MGLL: variants seen among roughly 807,000 people sequenced by gnomAD.
MGLL encodes monoglyceride lipase.
MGLL carries 7 observed loss-of-function variants against 29.1 expected under a neutral mutation model. The observed-to-expected ratio is 0.24, with a 90% CI of 0.14 to 0.45. The LOEUF is 0.45. MGLL is among the 20% of genes least tolerant of loss of function. MGLL has a pLI of 0.99. For synonymous variants in MGLL, 148 were observed against 168.3 expected (o/e 0.88, Z 0.93); for missense variants, 356 against 413.6 (o/e 0.86, Z 1.21).
chr3:127,748,356 C>T (rs1181433007), intron 3 of MGLL, among the ~76,000 whole-genome samples: 1 of 147,002 alleles, frequency 6.8e-6, no homozygotes, highest in Non-Finnish European at 1.5e-5. Flanking sequence ...GAGAGAGAGA[C>T]CACACAACAG....
intron 3 of MGLL, among the ~76,000 whole-genome samples, chr3:127,756,732 C>A (rs1243460852): frequency 1.3e-5 from 2 of 152,210 alleles, no homozygotes; most frequent in African/African-American, 4.8e-5. Context: ...GTGTAATTGA[C>A]TGTTACAACT....
intron 6 of MGLL, among the ~76,000 whole-genome samples, chr3:127,697,459 C>T (rs1249525831): frequency 6.6e-6 from 1 of 152,182 alleles, no homozygotes; most frequent in Non-Finnish European, 1.5e-5. Context: ...ATTCTCTCCA[C>T]TACACAGAGG....
chr3:127,754,954 G>A (rs1458487809), intron 3 of MGLL, among the ~76,000 whole-genome samples: 6 of 152,156 alleles, frequency 3.9e-5, no homozygotes, highest in African/African-American at 1.2e-4. Context: ...TTCACCTAGC[G>A]CCCCAGAGAA....
chr3:127,803,908 G>A (rs1158894943), intron 2 of MGLL, among the ~76,000 whole-genome samples: 1 of 152,174 alleles, frequency 6.6e-6, no homozygotes, highest in East Asian at 1.9e-4. Flanking sequence ...CTTTCAGGAC[G>A]GGGTGGCTCA....
chr3:127,785,211 T>G (rs371416232), intron 2 of MGLL, among the ~76,000 whole-genome samples: 2 of 152,130 alleles, frequency 1.3e-5, no homozygotes, highest in African/African-American at 4.8e-5. Context: ...CCCACACACC[T>G]GCTGCAGGTG....
At chr3:127,703,450 G>A (rs1447629911) in intron 6 of MGLL, among the ~76,000 whole-genome samples, 1 of 152,222 alleles carries the variant, frequency 6.6e-6, no homozygotes, top group Non-Finnish European at 1.5e-5. Context: ...GACAACAAGG[G>A]GGAATGACTG....
chr3:127,713,268 C>A (rs2075753516), intron 5 of MGLL: 1 of 152,280 alleles, frequency 6.6e-6, no homozygotes, highest in African/African-American at 2.4e-5. Context: ...GAAGTGGAGC[C>A]CTGGCATCAG....
At chr3:127,792,403 G>C (rs1318761383) in intron 2 of MGLL, among the ~76,000 whole-genome samples, 2 of 152,098 alleles carry the variant, frequency 1.3e-5, no homozygotes, top group Non-Finnish European at 2.9e-5. Flanking sequence ...TGGAAAACAG[G>C]AATAATAATC....
intron 5 of MGLL, among the ~76,000 whole-genome samples, chr3:127,719,687 C>G (rs113411889): frequency 6.6e-6 from 1 of 152,194 alleles, no homozygotes. Context: ...TCCCCCCAAT[C>G]GCACGTTTCA....
intron 3 of MGLL, among the ~76,000 whole-genome samples, chr3:127,757,520 T>C (rs2076685298): frequency 6.6e-6 from 1 of 152,104 alleles, no homozygotes; most frequent in Admixed American, 6.5e-5. Flanking sequence ...TTCAAGAAAT[T>C]GATGACTTAG....
At chr3:127,717,821 C>T (rs939977084) in intron 5 of MGLL, among the ~76,000 whole-genome samples, 1 of 152,156 alleles carries the variant, frequency 6.6e-6, no homozygotes, top group Admixed American at 6.5e-5. Context: ...TCCCGAGGGG[C>T]ACCTGGAGCT....
intron 7 of MGLL, 37 bp from the exon 8 acceptor site, chr3:127,692,360 A>C (rs1293277510): frequency 6.2e-7 from 1 of 1,613,132 alleles, no homozygotes; most frequent in Non-Finnish European, 8.5e-7. Context: ...GAGCTGCACC[A>C]TCAGAGGCAG....
chr3:127,704,130 G>C (rs1356878710), intron 6 of MGLL, among the ~76,000 whole-genome samples: 2 of 152,174 alleles, frequency 1.3e-5, no homozygotes, highest in Non-Finnish European at 2.9e-5. Context: ...AATGGGGGAA[G>C]GACTCCCTAT....
At position 127,780,559 on chromosome 3, in the gene MGLL, G is replaced by A. The variant is rs376186330; in HGVS notation, c.262+1230C>T. On this transcript the variant is annotated intron_variant, in intron 3 of 7. Transcript: ENST00000265052. Reference sequence around the variant, plus strand: ...AAGCACTAAAGAACGTCACAACTATGATAAGAAAGAATTAGTCAATACTGT... The same window carrying A: ...AAGCACTAAAGAACGTCACAACTATAATAAGAAAGAATTAGTCAATACTGT... 2.6e-4 allele frequency among the ~76,000 whole-genome samples: 39 copies of A among 152,350 alleles called. 1 individual carries two copies. Among genetic ancestry groups the A allele is most frequent in the African/African-American group, 8.4e-4 (35 of 41,578 alleles).
chr3:127,765,003 A>C (rs566538222), intron 3 of MGLL, among the ~76,000 whole-genome samples: 1 of 152,308 alleles, frequency 6.6e-6, no homozygotes, highest in South Asian at 2.1e-4. Context: ...AAGTGGTTAA[A>C]CTGACTCAAA....
intron 3 of MGLL, among the ~76,000 whole-genome samples, chr3:127,753,705 A>C (rs769885385): frequency 8.5e-5 from 13 of 152,220 alleles, no homozygotes; most frequent in Non-Finnish European, 1.8e-4. Flanking sequence ...TAAGGTCGGC[A>C]TATAGTCTAC....
chr3:127,806,112 G>C (rs1472440134), intron 2 of MGLL, among the ~76,000 whole-genome samples: 1 of 152,188 alleles, frequency 6.6e-6, no homozygotes, highest in African/African-American at 2.4e-5. Flanking sequence ...GCACTGAATG[G>C]CCAGGTGGGG....
chr3:127,771,772 G>A (rs544834672), intron 3 of MGLL, among the ~76,000 whole-genome samples: 1 of 152,084 alleles, frequency 6.6e-6, no homozygotes, highest in African/African-American at 2.4e-5. Flanking sequence ...TTAACTCAAG[G>A]GGCATTTGAA....
chr3:127,714,730 A>G (rs1008263607), intron 5 of MGLL, among the ~76,000 whole-genome samples: 1 of 152,208 alleles, frequency 6.6e-6, no homozygotes, highest in Non-Finnish European at 1.5e-5. Flanking sequence ...GTTACACCAC[A>G]GAGAGTGTGC....
Sources: gnomAD v4.1 joint callset for allele counts (sites outside exome capture counted in the v4.1 genomes callset) on GRCh38, gnomAD v4.1.1 for gene constraint, MANE v1.5 for transcripts, NCBI Gene and HGNC (gene_info 2026-07-23, HGNC 2026-07-21) for gene names.